The following KCNQ5 variants were observed in gnomAD, a reference collection of about 807,000 sequenced individuals.
The protein encoded by KCNQ5 is potassium voltage-gated channel subfamily Q member 5, also known as potassium voltage-gated channel subfamily KQT member 5.
In KCNQ5, 30 loss-of-function variants were observed where a neutral mutation model predicts 98.2. The ratio of observed to expected loss-of-function variants is 0.31; its 90% confidence interval spans 0.23 to 0.41. The LOEUF (loss-of-function observed/expected upper bound fraction) is 0.41, where lower values mean the gene tolerates loss of function less well. KCNQ5 is among the 10% of genes least tolerant of loss of function. The pLI, the probability that KCNQ5 is intolerant of heterozygous loss-of-function variation, is 1.00. For missense variants in KCNQ5, 835 were observed against 1,182.5 expected, an observed-to-expected ratio of 0.71 and a Z score of 4.31; for synonymous variants, 458 against 449.4, an observed-to-expected ratio of 1.02 and a Z score of -0.24.
At chr6:73,020,391 A>G (rs1282994364) in intron 2 of KCNQ5, among the ~76,000 whole-genome samples, 1 of 151,568 alleles carries the variant, frequency 6.6e-6, no homozygotes, top group Non-Finnish European at 1.5e-5. Context: ...TACAAAGGAT[A>G]CAGATGAAGA....
At chr6:73,047,551 T>G (rs947309101) in intron 3 of KCNQ5, among the ~76,000 whole-genome samples, 30 of 152,356 alleles carry the variant, frequency 2.0e-4, no homozygotes, top group Middle Eastern at 3.4e-3. Context: ...ACAGCTTGAT[T>G]AGCTGATATG....
chr6:72,757,202 T>A (rs1457992648), intron 1 of KCNQ5, among the ~76,000 whole-genome samples: 1 of 152,192 alleles, frequency 6.6e-6, no homozygotes, highest in Non-Finnish European at 1.5e-5. Flanking sequence ...TGTGCTCATA[T>A]GTTAGACCTT....
intron 1 of KCNQ5, among the ~76,000 whole-genome samples, chr6:72,655,084 CTTTCTTTCTTTCTGTT>C (rs1766108030): frequency 2.1e-5 from 3 of 140,814 alleles, no homozygotes; most frequent in African/African-American, 8.0e-5. Context: ...TTCTTTCTTT[CTTTCTTTCTTTCTGTT>C]TTTCTTTCTT....
In KCNQ5 at chr6:72,684,890, C is replaced by T. The variant is rs895575209; in HGVS notation, c.398+62303C>T. The stretch of plus-strand genomic sequence containing the variant: ...TGTGTGTGTATGCGTGTGTGTCTGT[C>T]TGTGTATTTCTGAGGCCCCTAGGCA... On this transcript the variant is annotated intron_variant, in intron 1 of 13. Coordinates refer to ENST00000370398, the MANE Select transcript of KCNQ5 (RefSeq NM_019842.4). Among the ~76,000 whole-genome samples, 10 of 151,914 alleles carry T rather than the reference C, an allele frequency of 6.6e-5. No homozygotes were observed. The South Asian group carries it at 1.5e-3, about 22-fold the overall frequency.
chr6:72,999,624 A>C (rs1769468132), intron 1 of KCNQ5, among the ~76,000 whole-genome samples: 1 of 152,212 alleles, frequency 6.6e-6, no homozygotes, highest in Non-Finnish European at 1.5e-5. Flanking sequence ...TATGTGTGCC[A>C]TGGGCCCTTC....
At chr6:73,114,882 T>C (rs1000480981) in intron 7 of KCNQ5, among the ~76,000 whole-genome samples, 1 of 152,196 alleles carries the variant, frequency 6.6e-6, no homozygotes, top group African/African-American at 2.4e-5. Flanking sequence ...TATATATTTG[T>C]CTTGAAACTT....
chr6:73,125,989 G>A (rs1180737382), intron 9 of KCNQ5, among the ~76,000 whole-genome samples: 1 of 152,150 alleles, frequency 6.6e-6, no homozygotes, highest in Non-Finnish European at 1.5e-5. Flanking sequence ...GAGACAAGCT[G>A]ACCAATTCTA....
chr6:72,650,770 G>T (rs2154472379), intron 1 of KCNQ5, among the ~76,000 whole-genome samples: 1 of 152,092 alleles, frequency 6.6e-6, no homozygotes, highest in Admixed American at 6.6e-5. Context: ...TAGCACTGGT[G>T]ATACAAAGAA....
At chr6:73,086,562 A>G (rs1773997040) in intron 5 of KCNQ5, among the ~76,000 whole-genome samples, 1 of 152,092 alleles carries the variant, frequency 6.6e-6, no homozygotes, top group African/African-American at 2.4e-5. Context: ...CTTGCCCTCT[A>G]CATCTCACTT....
rs550561414 is a variant in KCNQ5, at chr6:72,960,937, C to T, written c.399-42971C>T. Among the ~76,000 whole-genome samples the T allele has an allele frequency of 2.0e-5, 3 of 152,258 alleles. No homozygotes were observed. The East Asian group carries it at 5.8e-4, about 30-fold the overall frequency. On this transcript the variant is annotated intron_variant, in intron 1 of 13. Coordinates refer to ENST00000370398, the MANE Select transcript of KCNQ5 (RefSeq NM_019842.4). Reference sequence around the variant, plus strand: ...AGGCTGCAGTGAGCTGTGATCACATCAATACACTCCAGCCTGAGGAACAGC... The same window carrying T: ...AGGCTGCAGTGAGCTGTGATCACATTAATACACTCCAGCCTGAGGAACAGC...
intron 10 of KCNQ5, among the ~76,000 whole-genome samples, chr6:73,163,002 G>T (rs1004523491): frequency 3.3e-5 from 5 of 152,210 alleles, no homozygotes; most frequent in Admixed American, 2.6e-4. Context: ...GCCCTCTGCT[G>T]CCAGGATGGG....
chr6:72,787,739 C>T (rs1387568937), intron 1 of KCNQ5, among the ~76,000 whole-genome samples: 3 of 152,196 alleles, frequency 2.0e-5, no homozygotes, highest in Admixed American at 2.0e-4. Flanking sequence ...AGCACTCATC[C>T]CTGTTCCTAT....
chr6:73,012,489 G>T (rs1770114196), intron 2 of KCNQ5, among the ~76,000 whole-genome samples: 1 of 152,044 alleles, frequency 6.6e-6, no homozygotes, highest in African/African-American at 2.4e-5. Flanking sequence ...GTGAGTTATT[G>T]TTTAATAGAT....
At chr6:72,907,433 T>C (rs1426479006) in intron 1 of KCNQ5, among the ~76,000 whole-genome samples, 1 of 152,228 alleles carries the variant, frequency 6.6e-6, no homozygotes, top group Non-Finnish European at 1.5e-5. Context: ...CCAATATATA[T>C]GGAATGTATT....
rs535044323 is a variant in KCNQ5 at position 73,075,284 on chromosome 6, A to G, written c.617-2038A>G. Among the ~76,000 whole-genome samples, 353 of 149,250 alleles carry G rather than the reference A, an allele frequency of 2.4e-3. 1 individual carries two copies. The highest frequency in any genetic ancestry group is 0.011 in the South Asian group (53 of 4,722). ...TGTCGCTAGGCTGGAGTGCAGTGGC[A>G]CGATCTTGGCTCACTGCAACCTCCG... On this transcript the variant is annotated intron_variant, in intron 3 of 13. Coordinates refer to ENST00000370398, the MANE Select transcript of KCNQ5 (RefSeq NM_019842.4).
intron 5 of KCNQ5, among the ~76,000 whole-genome samples, chr6:73,103,485 TGGG>T (rs59446982): frequency 6.0e-5 from 9 of 150,916 alleles, no homozygotes; most frequent in Non-Finnish European, 1.2e-4. Context: ...GGGCCTGTCA[TGGG>T]GGGGGGGGAG....
intron 11 of KCNQ5, among the ~76,000 whole-genome samples, chr6:73,187,734 C>T (rs1765430199): frequency 6.6e-6 from 1 of 152,020 alleles, no homozygotes; most frequent in African/African-American, 2.4e-5. Context: ...AGCTAGCTAG[C>T]TCATAAATAG....
intron 1 of KCNQ5, among the ~76,000 whole-genome samples, chr6:72,760,131 G>GC (rs1234253115): frequency 6.6e-6 from 1 of 152,060 alleles, no homozygotes; most frequent in Non-Finnish European, 1.5e-5. Flanking sequence ...CAGATGACAG[G>GC]CTTTGTCTTC....
chr6:72,622,632 G>C lies in KCNQ5; in HGVS notation c.398+45G>C. On this transcript the variant is annotated intron_variant, in intron 1 of 13. Transcript: ENST00000370398. The surrounding 1 kb of genome is among the most constrained non-coding windows in gnomAD (Gnocchi z 6.0). ...GCTATGCCCGCTGCAGGGGACCACT[G>C]TCCCTGGCCCCCTGGGGCGTGCTCC... The C allele has an allele frequency of 6.2e-7, 1 of 1,604,742 alleles. No individual in the cohort carries two copies.
Sources: gnomAD v4.1 joint callset for allele counts (sites outside exome capture counted in the v4.1 genomes callset) on GRCh38, gnomAD v4.1.1 for gene constraint, Gnocchi (gnomAD v3.1) non-coding constraint, MANE v1.5 for transcripts, NCBI Gene and HGNC (gene_info 2026-07-23, HGNC 2026-07-21) for gene names.